The following PRDM16 variants were observed in gnomAD, a reference collection of about 807,000 sequenced individuals.
PRDM16 encodes the protein PR/SET domain 16.
In PRDM16, 23 loss-of-function variants were observed where a neutral mutation model predicts 110.6. The ratio of observed to expected loss-of-function variants is 0.21; its 90% CI spans 0.15 to 0.29. The LOEUF (loss-of-function observed/expected upper bound fraction) is 0.29. Ranked by LOEUF, PRDM16 falls within the 10% of genes least tolerant of loss-of-function variation. PRDM16 has a pLI of 1.00. For missense variants in PRDM16, 1,615 were observed against 1,794.3 expected (o/e 0.90, Z 1.81); for synonymous variants, 799 against 781.8 (o/e 1.02, Z -0.37).
In PRDM16 at chr1:3,190,285, G is replaced by A. The variant is rs112345330; in HGVS notation, c.387+3811G>A. On this transcript the variant is annotated intron_variant, in intron 2 of 16. Transcript: ENST00000270722. This position sits in a 1 kb window ranked among gnomAD's most constrained non-coding sequence, Gnocchi z 5.0. ...CGTGGGGCAGCCTTACTTCAAGGTC[G>A]TGGGGCAGCCTTACTTTAAGTGGGA... 9.9e-5 allele frequency among the ~76,000 whole-genome samples: 15 copies of A among 151,962 alleles called. No homozygotes were observed. Among genetic ancestry groups the A allele is most frequent in the East Asian group, 3.9e-4 (2 of 5,168 alleles).
In PRDM16 at chr1:3,243,973, G is replaced by A. The variant is rs1639730669; in HGVS notation, c.388-114G>A. 13 of 1,015,176 alleles carry A rather than the reference G, an allele frequency of 1.3e-5. No homozygotes were observed. The highest frequency in any genetic ancestry group is 2.0e-5 in the Non-Finnish European group (13 of 644,284). The allele number at this position is 1,015,176 out of a possible 1,614,324, so 62.9% of individuals were successfully genotyped here. A position where few individuals can be genotyped will look rare whatever the true frequency, so the allele number is the denominator to read the frequency against. On this transcript the variant is annotated intron_variant, in intron 2 of 16. Coordinates refer to ENST00000270722, the MANE Select transcript of PRDM16 (RefSeq NM_022114.4). This position sits in a 1 kb window ranked among gnomAD's most constrained non-coding sequence, Gnocchi z 5.5. Reference sequence around the variant, plus strand: ...ATTTCCTGCTGTGGAGAAGCCACTGGGTCCCACCCTGTGACTTTTGGGGAC... The same window carrying A: ...ATTTCCTGCTGTGGAGAAGCCACTGAGTCCCACCCTGTGACTTTTGGGGAC...
intron 3 of PRDM16, among the ~76,000 whole-genome samples, chr1:3,256,726 G>A (rs573515193): frequency 3.4e-4 from 51 of 152,022 alleles, no homozygotes; most frequent in African/African-American, 1.0e-3. Context: ...GCATGGTGGC[G>A]GGCGCCTGTA....
chr1:3,101,836 G>A (rs1642539334), intron 1 of PRDM16, among the ~76,000 whole-genome samples: 2 of 152,314 alleles, frequency 1.3e-5, no homozygotes, highest in African/African-American at 4.8e-5. Context: ...GGGCAAGACT[G>A]GGAAGACCAC....
At chr1:3,070,272 GC>G (rs1641716671) in intron 1 of PRDM16, among the ~76,000 whole-genome samples, 1 of 149,962 alleles carries the variant, frequency 6.7e-6, no homozygotes. Context: ...CCTGCCGCCA[GC>G]CGGTCCTTGC....
At chr1:3,185,521 T>A (rs1644257266) in intron 1 of PRDM16, among the ~76,000 whole-genome samples, 1 of 151,848 alleles carries the variant, frequency 6.6e-6, no homozygotes. Context: ...AGTGCAGGGA[T>A]GTCCAGCCTG....
intron 2 of PRDM16, among the ~76,000 whole-genome samples, chr1:3,212,771 T>TGGTGG (rs1447292308): frequency 2.0e-5 from 3 of 151,644 alleles, no homozygotes; most frequent in African/African-American, 7.3e-5. Context: ...AGCACCTGCA[T>TGGTGG]TTCCGCCGCT....
Position 3,260,834 on chromosome 1 carries a change from G to C in PRDM16, c.438+16697G>C, listed in dbSNP as rs527518483. Among the ~76,000 whole-genome samples the C allele has an allele frequency of 3.5e-3, 513 of 146,800 alleles. 3 individuals carry two copies. The highest frequency in any genetic ancestry group is 0.013 in the African/African-American group (491 of 39,256). ...TACCATTGATGATGACGATGATGAT[G>C]ATGAGCCTCAAGGTCCCATCTAGAC... On this transcript the variant is annotated intron_variant, in intron 3 of 16. Transcript: ENST00000270722.
At chr1:3,381,958 C>T (rs774535393) in intron 3 of PRDM16, among the ~76,000 whole-genome samples, 2 of 152,218 alleles carry the variant, frequency 1.3e-5, no homozygotes, top group African/African-American at 2.4e-5. Flanking sequence ...AACCCAGACC[C>T]GGCCAGTGGT....
chr1:3,144,700 G>T (rs770221020), intron 1 of PRDM16, among the ~76,000 whole-genome samples: 6 of 152,214 alleles, frequency 3.9e-5, no homozygotes, highest in Non-Finnish European at 7.3e-5. Flanking sequence ...GCTACAGATG[G>T]GCTATGCACC....
rs572760354 is a variant in PRDM16 at position 3,251,291 on chromosome 1, G to A, written c.438+7154G>A. On this transcript the variant is annotated intron_variant, in intron 3 of 16. Transcript: ENST00000270722. The stretch of plus-strand genomic sequence containing the variant: ...TGCAATGGGAGATAATGAGTCTCAC[G>A]TGCTGCGTGGTTCAGGGGTGAGGTG... Among the ~76,000 whole-genome samples, 463 of 114,980 alleles carry A rather than the reference G, an allele frequency of 4.0e-3. 3 individuals carry two copies. The highest frequency in any genetic ancestry group is 0.015 in the African/African-American group (444 of 28,828). The allele number at this position is 114,980 out of a possible 152,430, so 75.4% of individuals were successfully genotyped here.
intron 1 of PRDM16, among the ~76,000 whole-genome samples, chr1:3,158,115 T>C (rs562892726): frequency 4.6e-5 from 7 of 152,352 alleles, no homozygotes; most frequent in African/African-American, 1.7e-4. Flanking sequence ...TGGTGTGGAA[T>C]ACCTGATACA....
intron 3 of PRDM16, among the ~76,000 whole-genome samples, chr1:3,378,227 T>C (rs550826436): frequency 6.6e-6 from 1 of 152,322 alleles, no homozygotes; most frequent in Admixed American, 6.5e-5. Context: ...ATCCCTGATT[T>C]CCAGGAGCAT....
At position 3,380,340 on chromosome 1, in the gene PRDM16, C is replaced by T. The variant is rs542539517; in HGVS notation, c.439-4812C>T. Among the ~76,000 whole-genome samples the T allele has an allele frequency of 2.0e-5, 3 of 152,120 alleles. No homozygotes were observed. The East Asian group carries it at 5.9e-4, about 30-fold the overall frequency. On this transcript the variant is annotated intron_variant, in intron 3 of 16. Coordinates refer to ENST00000270722, the MANE Select transcript of PRDM16 (RefSeq NM_022114.4). ...GGGGGCCCACCAGGCAGAGGGGAAG[C>T]TCCTCCCTTTAGGGGCCACCAGGTG...
At chr1:3,202,366 C>T in intron 2 of PRDM16, among the ~76,000 whole-genome samples, 1 of 93,200 alleles carries the variant, frequency 1.1e-5, no homozygotes, top group African/African-American at 4.4e-5. Context: ...GCTGGGGAAG[C>T]CTAGGGGAGG....
chr1:3,169,731 C>T (rs920103998), intron 1 of PRDM16, among the ~76,000 whole-genome samples: 1 of 152,250 alleles, frequency 6.6e-6, no homozygotes, highest in Admixed American at 6.5e-5. Context: ...GGCTCCTGTA[C>T]GCCATCAGGA....
intron 2 of PRDM16, among the ~76,000 whole-genome samples, chr1:3,204,852 G>C (rs1016478318): frequency 6.6e-6 from 1 of 152,188 alleles, no homozygotes; most frequent in South Asian, 2.1e-4. Flanking sequence ...GGAGTGGAGG[G>C]ATAGGAGCCC....
chr1:3,338,307 T>C (rs1318557893), intron 3 of PRDM16, among the ~76,000 whole-genome samples: 2 of 152,236 alleles, frequency 1.3e-5, no homozygotes, highest in Admixed American at 1.3e-4. Flanking sequence ...AGAAGCCCCG[T>C]GGGGAACAGA....
At chr1:3,134,245 C>A (rs910382190) in intron 1 of PRDM16, among the ~76,000 whole-genome samples, 2 of 152,190 alleles carry the variant, frequency 1.3e-5, no homozygotes, top group African/African-American at 2.4e-5. Flanking sequence ...TTGTGTGGAG[C>A]TGTCCGGAGC....
At chr1:3,381,974 AG>A (rs970562381) in intron 3 of PRDM16, among the ~76,000 whole-genome samples, 1 of 152,148 alleles carries the variant, frequency 6.6e-6, no homozygotes, top group African/African-American at 2.4e-5. Flanking sequence ...GTGGTGAGGG[AG>A]GGGGGGCCTC....
Sources: allele counts gnomAD v4.1 joint callset (sites outside exome capture counted in the v4.1 genomes callset), GRCh38; gene constraint gnomAD v4.1.1; non-coding constraint Gnocchi (gnomAD v3.1); transcripts MANE v1.5; gene names NCBI Gene and HGNC (gene_info 2026-07-23, HGNC 2026-07-21).